The following DOP1B variants were observed in gnomAD, a reference collection of about 807,000 sequenced individuals.
The protein encoded by DOP1B is protein DOP1B.
In DOP1B, 174 loss-of-function variants were observed where a neutral mutation model predicts 233.5. That is an observed-to-expected ratio of 0.75 (90% CI 0.66 to 0.85). The LOEUF is 0.85. Ranked by LOEUF, DOP1B falls within the 40% of genes least tolerant of loss-of-function variation. DOP1B has a pLI of 0.00. For missense variants in DOP1B, 2,652 were observed against 2,846.6 expected (o/e 0.93, Z 1.56); for synonymous variants, 1,190 against 1,185.6 (o/e 1.00, Z -0.08).
chr21:36,165,123 C>T (rs371984295), intron 2 of DOP1B, among the ~76,000 whole-genome samples: 1 of 151,998 alleles, frequency 6.6e-6, no homozygotes, highest in East Asian at 1.9e-4. Flanking sequence ...CACTGTTAAC[C>T]TATCAATGTA....
intron 10 of DOP1B, among the ~76,000 whole-genome samples, chr21:36,221,917 C>T (rs1430073277): frequency 6.6e-6 from 1 of 152,112 alleles, no homozygotes; most frequent in Non-Finnish European, 1.5e-5. Flanking sequence ...CTGTACCCAG[C>T]CTGGGGTGCG....
intron 2 of DOP1B, among the ~76,000 whole-genome samples, chr21:36,185,076 A>G (rs892772418): frequency 1.3e-5 from 2 of 152,310 alleles, no homozygotes; most frequent in African/African-American, 4.8e-5. Flanking sequence ...TGACTTTAAC[A>G]AGCAGGTTTC....
chr21:36,200,854 G>A (rs1037415307), intron 4 of DOP1B, among the ~76,000 whole-genome samples: 1 of 149,638 alleles, frequency 6.7e-6, no homozygotes, highest in Admixed American at 6.7e-5. Context: ...AAAAAAAAAA[G>A]ACACGGGGAA....
chr21:36,251,309 T>C, intron 22 of DOP1B, 25 bp downstream of exon 22: 1 of 1,596,728 alleles, frequency 6.3e-7, no homozygotes, highest in Non-Finnish European at 8.5e-7. Flanking sequence ...GTTACAGGAG[T>C]GGTTAAACTT....
chr21:36,199,192 C>A lies in DOP1B; in HGVS notation c.261C>A (p.Tyr87Ter). The A allele has an allele frequency of 6.2e-7, 1 of 1,614,118 alleles. No individual in the cohort carries two copies. The highest frequency in any genetic ancestry group is 1.6e-4 in the Middle Eastern group (1 of 6,062). The change falls in exon 3 of 37, where the codon TAC becomes TAA. Residue 87 changes from tyrosine (Y) to a stop codon, truncating the protein, a stop_gained. Transcript: ENST00000691173. LOFTEE classifies it high-confidence loss of function. ...SGVHLKALET[Y>*]EIIFKIVGTK... ...TCCACTTAAAAGCTCTGGAAACCTA[C>A]GAGATTATCTTTAAAATCGTGGGGA...
At chr21:36,252,305 C>G (rs137916676) in intron 22 of DOP1B, among the ~76,000 whole-genome samples, 307 of 151,690 alleles carry the variant, frequency 2.0e-3, no homozygotes, top group Middle Eastern at 3.4e-3. Flanking sequence ...AGAAATCACA[C>G]TTGTTAGCTG....
chr21:36,217,154 T>C (rs543113294), intron 9 of DOP1B, among the ~76,000 whole-genome samples: 3 of 151,754 alleles, frequency 2.0e-5, no homozygotes, highest in Non-Finnish European at 4.4e-5. Flanking sequence ...GGCCCTTCGC[T>C]TATCCATTCA....
intron 1 of DOP1B, among the ~76,000 whole-genome samples, chr21:36,159,628 A>T (rs750408407): frequency 6.6e-6 from 1 of 152,244 alleles, no homozygotes; most frequent in South Asian, 2.1e-4. Context: ...CACTTTCTTC[A>T]TATGGCCAAC....
chr21:36,211,987 G>A lies in DOP1B; in HGVS notation c.794G>A (p.Arg265Lys). The A allele has an allele frequency of 6.2e-7, 1 of 1,613,964 alleles. No individual in the cohort carries two copies. Among genetic ancestry groups the A allele is most frequent in the Non-Finnish European group, 8.5e-7 (1 of 1,179,994 alleles). ...TCCTTCTAATAGGATTCCAATGAGA[G>A]AGCCATCCCCCTCCTCAGATCTGAC... ...PFYTCLDSNE[R>K]AIPLLRSDIV... The change falls in exon 7 of 37, where the codon AGA becomes AAA. Residue 265 changes from arginine to lysine, a missense_variant. This residue lies in a region of DOP1B where 2,617 missense variants were observed against 2,794.3 expected (regional missense o/e 0.94). Coordinates refer to ENST00000691173, the MANE Select transcript of DOP1B (RefSeq NM_001320714.2).
chr21:36,219,535 C>T (rs956438591), intron 10 of DOP1B, 43 bp downstream of exon 10: 37 of 1,591,876 alleles, frequency 2.3e-5, no homozygotes, highest in Middle Eastern at 1.7e-4. Flanking sequence ...TCTCCCTCCC[C>T]GGTACTGTGA....
rs2066970424 is a variant in DOP1B at position 36,246,719 on chromosome 21, G to C, written c.4697+42G>C. 1.3e-6 allele frequency: 2 copies of C among 1,564,432 alleles called. No homozygotes were observed. The highest frequency in any genetic ancestry group is 1.7e-6 in the Non-Finnish European group (2 of 1,150,696). ...GTGACATCTTTATTGCTTTAGTGATGGTTTTTATAACGAATGACTGTTTTG... is the reference window on the plus strand; with the variant it reads ...GTGACATCTTTATTGCTTTAGTGATCGTTTTTATAACGAATGACTGTTTTG... On this transcript the variant is annotated intron_variant, in intron 19 of 36. Coordinates refer to ENST00000691173, the MANE Select transcript of DOP1B (RefSeq NM_001320714.2). The surrounding 1 kb of genome is among the most constrained non-coding windows in gnomAD (Gnocchi z 5.1).
intron 23 of DOP1B, among the ~76,000 whole-genome samples, chr21:36,256,780 T>G (rs752434628): frequency 6.7e-6 from 1 of 149,964 alleles, no homozygotes; most frequent in Non-Finnish European, 1.5e-5. Flanking sequence ...AAAAAACAAC[T>G]GTGTCCTCAC....
At chr21:36,251,594 A>G (rs2067033618) in intron 22 of DOP1B, among the ~76,000 whole-genome samples, 1 of 151,862 alleles carries the variant, frequency 6.6e-6, no homozygotes, top group Non-Finnish European at 1.5e-5. Context: ...TAATTTTTGT[A>G]TTTTTTAGTA....
chr21:36,197,695 G>A (rs765599578), intron 2 of DOP1B, among the ~76,000 whole-genome samples: 5 of 152,136 alleles, frequency 3.3e-5, no homozygotes, highest in African/African-American at 7.2e-5. Context: ...GGCTGGAGCC[G>A]TGCTTGGGAG....
intron 26 of DOP1B, among the ~76,000 whole-genome samples, chr21:36,266,997 C>T (rs74363527): frequency 0.027 from 4,180 of 152,274 alleles, 85 homozygotes; most frequent in Non-Finnish European, 0.039. Context: ...TTCCCTCGAG[C>T]GCACCCTTCT....
In DOP1B at chr21:36,263,639, T is replaced by G. The variant is rs1223910570; in HGVS notation, c.5409T>G (p.Phe1803Leu). Residue 1803 changes from phenylalanine to leucine, a missense_variant, in exon 25 of 37, where the codon TTT becomes TTG. Around this residue, in one of 3 missense-constraint regions of DOP1B, gnomAD observed 2,617 missense variants for 2,794.3 expected, o/e 0.94. Transcript: ENST00000691173. ...TGAATCTAGCCCCACCTGGGTATTT[T>G]CTGCTTCTCAGGTATCATGTCACCA... The part of the protein sequence containing the change: ...VQLNLAPPGY[F>L]LLLSMLNDFV... 1.2e-6 allele frequency: 2 copies of G among 1,613,996 alleles called. No individual in the cohort carries two copies. Among genetic ancestry groups the G allele is most frequent in the African/African-American group, 1.3e-5 (1 of 74,950 alleles).
chr21:36,173,269 A>G (rs1183579009), intron 2 of DOP1B, among the ~76,000 whole-genome samples: 1 of 152,076 alleles, frequency 6.6e-6, no homozygotes, highest in Non-Finnish European at 1.5e-5. Context: ...GGAGGAGAAG[A>G]CTCATCCAGT....
chr21:36,227,365 G>A (rs888246072), intron 12 of DOP1B, among the ~76,000 whole-genome samples: 3 of 151,482 alleles, frequency 2.0e-5, no homozygotes, highest in African/African-American at 4.9e-5. Context: ...GGCTAACACG[G>A]TGAAACCCCA....
chr21:36,291,760 A>G (rs2067562247), intron 35 of DOP1B, among the ~76,000 whole-genome samples: 1 of 152,150 alleles, frequency 6.6e-6, no homozygotes. Context: ...ACCGGAAAAT[A>G]TGATGCTAAG....
Sources: gnomAD v4.1 joint callset for allele counts (sites outside exome capture counted in the v4.1 genomes callset) on GRCh38, gnomAD v4.1.1 for gene constraint, gnomAD v4.1.1 regional missense constraint, Gnocchi (gnomAD v3.1) non-coding constraint, MANE v1.5 for transcripts, NCBI Gene and HGNC (gene_info 2026-07-23, HGNC 2026-07-21) for gene names.